BCL11B: variants seen among roughly 807,000 people sequenced by gnomAD.
BCL11B encodes the protein BCL11 transcription factor B.
A neutral mutation model predicts 49.9 loss-of-function variants in BCL11B; 8 were observed. The observed-to-expected ratio is 0.16, with a 90% CI of 0.09 to 0.29. The LOEUF (loss-of-function observed/expected upper bound fraction) is 0.29, where lower values mean the gene tolerates loss of function less well. Ranked by LOEUF, BCL11B falls within the 10% of genes least tolerant of loss-of-function variation. BCL11B has a pLI of 1.00. For missense variants in BCL11B, 1,006 were observed against 1,351.0 expected (o/e 0.74, Z 4.00); for synonymous variants, 739 against 637.4 (o/e 1.16, Z -2.40).
In BCL11B at chr14:99,231,656, C is replaced by A; in HGVS notation, c.428-99G>T. On this transcript the variant is annotated intron_variant, in intron 2 of 3. Coordinates refer to ENST00000357195, the MANE Select transcript of BCL11B (RefSeq NM_138576.4). The surrounding 1 kb of genome is among the most constrained non-coding windows in gnomAD (Gnocchi z 8.1). ...CTCGGGGCGTGGGGCTCTGCTCAGG[C>A]CACCCTTCGGGGGTGGGAGGCCCCC... 1 of 1,324,676 alleles carries A rather than the reference C, an allele frequency of 7.5e-7. No individual in the cohort carries two copies. The highest frequency in any genetic ancestry group is 1.0e-6 in the Non-Finnish European group (1 of 961,810). The allele number at this position is 1,324,676 out of a possible 1,614,324, so 82.1% of individuals were successfully genotyped here. A position where few individuals can be genotyped will look rare whatever the true frequency, so the allele number is the denominator to read the frequency against.
chr14:99,260,406 T>C (rs979068041), intron 1 of BCL11B, among the ~76,000 whole-genome samples: 5 of 152,186 alleles, frequency 3.3e-5, no homozygotes, highest in Non-Finnish European at 5.9e-5. Context: ...TTTTGTTTGC[T>C]TTTTTATTAA....
At chr14:99,217,109 AATACAC>A (rs781074595) in intron 3 of BCL11B, among the ~76,000 whole-genome samples, 1 of 152,042 alleles carries the variant, frequency 6.6e-6, no homozygotes, top group African/African-American at 2.4e-5. Context: ...CTGACATGCA[AATACAC>A]ATACACATAT....
Position 99,257,356 on chromosome 14 carries a change from C to G in BCL11B, c.427+115G>C. 11 of 1,379,470 alleles carry G rather than the reference C, an allele frequency of 8.0e-6. No homozygotes were observed. The highest frequency in any genetic ancestry group is 8.6e-6 in the Non-Finnish European group (9 of 1,040,514). The allele number at this position is 1,379,470 out of a possible 1,614,324, so 85.5% of individuals were successfully genotyped here. ...GAAAGGGGGAGCCCCGGCTGGTGGCCCAGAGGCCATCCTGGAAGCCCCTGG... is the reference window on the plus strand; with the variant it reads ...GAAAGGGGGAGCCCCGGCTGGTGGCGCAGAGGCCATCCTGGAAGCCCCTGG... On this transcript the variant is annotated intron_variant, in intron 2 of 3. Coordinates refer to ENST00000357195, the MANE Select transcript of BCL11B (RefSeq NM_138576.4). The surrounding 1 kb of genome is among the most constrained non-coding windows in gnomAD (Gnocchi z 6.2).
chr14:99,238,738 C>CA (rs773069046), intron 2 of BCL11B, among the ~76,000 whole-genome samples: 3 of 152,192 alleles, frequency 2.0e-5, no homozygotes. Flanking sequence ...AAATAAACCA[C>CA]AAACACTTGT....
Position 99,272,139 on chromosome 14 carries a change from T to C in BCL11B, c.-921A>G, listed in dbSNP as rs977079672. Among the ~76,000 whole-genome samples the C allele has an allele frequency of 7.2e-5, 11 of 152,098 alleles. No individual in the cohort carries two copies. In the East Asian group the frequency reaches 1.4e-3, roughly 19 times the overall value. On this transcript the variant is annotated 5_prime_UTR_variant, in exon 1 of 4. Transcript: ENST00000357195. The surrounding 1 kb of genome is among the most constrained non-coding windows in gnomAD (Gnocchi z 6.0). ...GCGGGCGCAGACTGGGAGCTATAGA[T>C]TGCAACGTGAAGATGGCGGAGTCCG...
rs1887120488 is a variant in BCL11B, at chr14:99,194,339, G to C, written c.641-18144C>G. Among the ~76,000 whole-genome samples, 1 of 152,234 alleles carries C rather than the reference G, an allele frequency of 6.6e-6. No homozygotes were observed. Among genetic ancestry groups the C allele is most frequent in the Non-Finnish European group, 1.5e-5 (1 of 68,046 alleles). On this transcript the variant is annotated intron_variant, in intron 3 of 3. Coordinates refer to ENST00000357195, the MANE Select transcript of BCL11B (RefSeq NM_138576.4). The surrounding 1 kb of genome is among the most constrained non-coding windows in gnomAD (Gnocchi z 4.6). Reference sequence around the variant, plus strand: ...GGCTTACAGAACACACCCAGTTCTGGTAAGATGGGCCCGCCAAGGAGCCAG... The same window carrying C: ...GGCTTACAGAACACACCCAGTTCTGCTAAGATGGGCCCGCCAAGGAGCCAG...
intron 3 of BCL11B, among the ~76,000 whole-genome samples, chr14:99,201,463 C>T (rs1301609920): frequency 6.6e-6 from 1 of 152,138 alleles, no homozygotes; most frequent in South Asian, 2.1e-4. Context: ...AGATGAGAAA[C>T]TCAAGGCTCA....
intron 3 of BCL11B, among the ~76,000 whole-genome samples, chr14:99,208,677 G>T (rs1346160280): frequency 6.6e-6 from 1 of 152,230 alleles, no homozygotes; most frequent in African/African-American, 2.4e-5. Context: ...GCAGGCTCGG[G>T]GCAGGGCCCC....
At chr14:99,234,006 C>G (rs2139897693) in intron 2 of BCL11B, among the ~76,000 whole-genome samples, 1 of 152,256 alleles carries the variant, frequency 6.6e-6, no homozygotes, top group Middle Eastern at 3.4e-3. Context: ...AGAGCCCTTC[C>G]CAAGGGTGGA....
At chr14:99,191,277 T>C (rs1413883109) in intron 3 of BCL11B, among the ~76,000 whole-genome samples, 1 of 151,950 alleles carries the variant, frequency 6.6e-6, no homozygotes, top group Non-Finnish European at 1.5e-5. Flanking sequence ...ACATCTACGA[T>C]GCACAGGACA....
Position 99,174,484 on chromosome 14 carries a change from G to T in BCL11B, c.2352C>A (p.Pro784=), listed in dbSNP as rs1311997494. 2.5e-6 allele frequency: 4 copies of T among 1,572,484 alleles called. No individual in the cohort carries two copies. In the East Asian group the frequency reaches 9.5e-5, roughly 37 times the overall value. ...GGCCCTCCTTGGAGCTGGGCCGCCC[G>T]GGGCCCGGGCCGCCCAGGTGCGGGG... is the stretch of plus-strand genomic sequence containing the variant. ...GSTPHLGGPG[P]GRPSSKEGRR... Residue 784 remains proline, a synonymous_variant, in exon 4 of 4, where the codon CCC becomes CCA. Coordinates refer to ENST00000357195, the MANE Select transcript of BCL11B (RefSeq NM_138576.4).
chr14:99,180,226 A>G (rs970813016), intron 3 of BCL11B, among the ~76,000 whole-genome samples: 3 of 152,204 alleles, frequency 2.0e-5, no homozygotes, highest in Non-Finnish European at 4.4e-5. Context: ...GTCAAGGCCT[A>G]GACTATTTAG....
At chr14:99,250,193 G>A (rs1888967433) in intron 2 of BCL11B, among the ~76,000 whole-genome samples, 1 of 151,768 alleles carries the variant, frequency 6.6e-6, no homozygotes, top group Non-Finnish European at 1.5e-5. Flanking sequence ...CCGCCACCAT[G>A]CCCAGCTAAT....
At chr14:99,261,330 GT>G (rs1566834763) in intron 1 of BCL11B, among the ~76,000 whole-genome samples, 1 of 151,922 alleles carries the variant, frequency 6.6e-6, no homozygotes. Flanking sequence ...GTGTGCATGT[GT>G]CCCTCCTTAG....
intron 3 of BCL11B, among the ~76,000 whole-genome samples, chr14:99,204,736 G>A (rs190216670): frequency 3.5e-4 from 54 of 152,352 alleles, no homozygotes; most frequent in African/African-American, 1.2e-3. Context: ...CAGACAGAGC[G>A]AGAGCTCGAG....
chr14:99,178,580 T>C (rs1231878243), intron 3 of BCL11B, among the ~76,000 whole-genome samples: 2 of 152,200 alleles, frequency 1.3e-5, no homozygotes, highest in East Asian at 1.9e-4. Context: ...GTGATTGTAC[T>C]TGGGGAACAG....
At chr14:99,218,920 A>C (rs1246265933) in intron 3 of BCL11B, among the ~76,000 whole-genome samples, 1 of 152,240 alleles carries the variant, frequency 6.6e-6, no homozygotes, top group African/African-American at 2.4e-5. Context: ...TCAAACCCAG[A>C]GGAGAAAGCT....
intron 3 of BCL11B, among the ~76,000 whole-genome samples, chr14:99,190,919 C>A (rs1195810736): frequency 6.6e-6 from 1 of 151,378 alleles, no homozygotes; most frequent in Non-Finnish European, 1.5e-5. Context: ...GGGGGGGTCA[C>A]CCTCAAATTA....
chr14:99,239,060 C>T (rs919585875), intron 2 of BCL11B, among the ~76,000 whole-genome samples: 8 of 152,180 alleles, frequency 5.3e-5, no homozygotes, highest in African/African-American at 1.9e-4. Flanking sequence ...ATGTCTTGCG[C>T]GCATCCAACC....
Sources: gnomAD v4.1 joint callset for allele counts (sites outside exome capture counted in the v4.1 genomes callset) on GRCh38, gnomAD v4.1.1 for gene constraint, Gnocchi (gnomAD v3.1) non-coding constraint, MANE v1.5 for transcripts, NCBI Gene and HGNC (gene_info 2026-07-23, HGNC 2026-07-21) for gene names.